GNAT3: variants seen among roughly 807,000 people sequenced by gnomAD.
GNAT3 encodes the protein G protein subunit alpha transducin 3, also known as guanine nucleotide-binding protein G(t) subunit alpha-3.
GNAT3 carries 31 observed loss-of-function variants against 37.7 expected under a neutral mutation model. The observed-to-expected ratio is 0.82, with a 90% CI of 0.62 to 1.11. The LOEUF (loss-of-function observed/expected upper bound fraction) is 1.11, where lower values mean the gene tolerates loss of function less well. GNAT3 is among the 50% of genes most tolerant of loss of function. The pLI, the probability that GNAT3 is intolerant of heterozygous loss-of-function variation, is 0.00. For synonymous variants in GNAT3, 138 were observed against 139.8 expected, an observed-to-expected ratio of 0.99 and a Z score of 0.09; for missense variants, 437 against 412.5, an observed-to-expected ratio of 1.06 and a Z score of -0.51.
intron 3 of GNAT3, among the ~76,000 whole-genome samples, chr7:80,484,020 C>T (rs1488017918): frequency 6.6e-6 from 1 of 152,026 alleles, no homozygotes; most frequent in Admixed American, 6.6e-5. Context: ...ATGTGCAGAA[C>T]ATGAAGGTTT....
At chr7:80,501,253 G>T (rs543519722) in intron 1 of GNAT3, among the ~76,000 whole-genome samples, 12 of 151,900 alleles carry the variant, frequency 7.9e-5, no homozygotes, top group African/African-American at 2.9e-4. Context: ...TAGTGTTATG[G>T]AAGCCCGCAT....
intron 1 of GNAT3, among the ~76,000 whole-genome samples, chr7:80,498,133 G>A (rs1028122936): frequency 4.6e-5 from 7 of 152,086 alleles, no homozygotes; most frequent in African/African-American, 1.4e-4. Context: ...CTTTTAGACT[G>A]TGTCAGTTAA....
At chr7:80,501,007 CA>C (rs939581744) in intron 1 of GNAT3, among the ~76,000 whole-genome samples, 4 of 151,718 alleles carry the variant, frequency 2.6e-5, no homozygotes, top group Non-Finnish European at 4.4e-5. Flanking sequence ...TTGTCTTTGT[CA>C]AATTTTGTTG....
chr7:80,479,068 AATTTAC>A, intron 3 of GNAT3, 70 bp from the exon 4 acceptor site: 2 of 1,024,220 alleles, frequency 2.0e-6, no homozygotes, highest in Non-Finnish European at 1.4e-6. Context: ...CTAATAGAGT[AATTTAC>A]TGGGATAATT....
intron 4 of GNAT3, among the ~76,000 whole-genome samples, chr7:80,477,043 T>C (rs1790315909): frequency 6.6e-6 from 1 of 152,118 alleles, no homozygotes; most frequent in African/African-American, 2.4e-5. Flanking sequence ...TTAATTGTTT[T>C]TAACTTGATG....
chr7:80,469,111 A>T (rs897628040), intron 5 of GNAT3, among the ~76,000 whole-genome samples: 7 of 152,244 alleles, frequency 4.6e-5, no homozygotes, highest in Admixed American at 1.3e-4. Flanking sequence ...ATCTGAGATG[A>T]TTCATATGCC....
intron 1 of GNAT3, among the ~76,000 whole-genome samples, chr7:80,501,938 G>A (rs1309216701): frequency 6.6e-6 from 1 of 151,884 alleles, no homozygotes; most frequent in East Asian, 1.9e-4. Flanking sequence ...TTTCATTCAT[G>A]AGAAAGAATA....
intron 4 of GNAT3, 26 bp from the exon 5 acceptor site, chr7:80,474,405 T>A (rs1435311095): frequency 1.8e-6 from 2 of 1,138,452 alleles, no homozygotes; most frequent in Non-Finnish European, 2.5e-6. Context: ...CAAAATTATA[T>A]ATGTGTATAT....
intron 1 of GNAT3, among the ~76,000 whole-genome samples, chr7:80,498,394 G>A (rs1027635975): frequency 2.0e-5 from 3 of 152,056 alleles, no homozygotes; most frequent in Non-Finnish European, 4.4e-5. Flanking sequence ...TCCCTTGAAA[G>A]CCTTTAAAAA....
intron 7 of GNAT3, among the ~76,000 whole-genome samples, chr7:80,459,147 T>A (rs1790006096): frequency 6.6e-6 from 1 of 152,060 alleles, no homozygotes; most frequent in Non-Finnish European, 1.5e-5. Flanking sequence ...CATCAAACAC[T>A]GTGTGTGTGT....
rs1790348661 is a variant in GNAT3 at position 80,479,016 on chromosome 7, T to C, written c.304-18A>G. 6.4e-7 allele frequency: 1 copy of C among 1,559,754 alleles called. No homozygotes were observed. The highest frequency in any genetic ancestry group is 8.7e-7 in the Non-Finnish European group (1 of 1,148,722). ...TGGTCCTCCTAGAACAATATTTTGGTGAGAATAAGTATGTATTATTTGGAA... is the reference window on the plus strand; with the variant it reads ...TGGTCCTCCTAGAACAATATTTTGGCGAGAATAAGTATGTATTATTTGGAA... On this transcript the variant is annotated intron_variant, in intron 3 of 7. Transcript: ENST00000398291.
intron 1 of GNAT3, 135 bp downstream of exon 1, chr7:80,511,674 C>A: frequency 1.8e-6 from 1 of 555,342 alleles, no homozygotes. Flanking sequence ...ATAAATTTTC[C>A]TTAAGTTTCC....
chr7:80,509,665 G>T (rs1276282617), intron 1 of GNAT3, among the ~76,000 whole-genome samples: 1 of 152,036 alleles, frequency 6.6e-6, no homozygotes, highest in Non-Finnish European at 1.5e-5. Flanking sequence ...GCTCTGTGGA[G>T]TGGTAAAATT....
intron 1 of GNAT3, among the ~76,000 whole-genome samples, chr7:80,497,730 G>T (rs955263980): frequency 2.6e-5 from 4 of 151,438 alleles, no homozygotes; most frequent in Admixed American, 6.6e-5. Flanking sequence ...TGGAAGAAAA[G>T]TCAATGGGCT....
chr7:80,485,856 A>G (rs141556524), intron 3 of GNAT3, among the ~76,000 whole-genome samples: 218 of 152,212 alleles, frequency 1.4e-3, no homozygotes, highest in African/African-American at 4.9e-3. Context: ...ATTGTAACTC[A>G]AGGAGGAAAG....
At chr7:80,462,355 C>CA in intron 6 of GNAT3, 43 bp from the exon 7 acceptor site, 1 of 1,585,462 alleles carries the variant, frequency 6.3e-7, no homozygotes, top group South Asian at 1.1e-5. Context: ...TTATTATTTG[C>CA]AAAATGTGAA....
intron 2 of GNAT3, among the ~76,000 whole-genome samples, chr7:80,493,836 CTT>C: frequency 1.6e-5 from 2 of 122,404 alleles, no homozygotes; most frequent in African/African-American, 6.1e-5. Context: ...TCCTCCTCCT[CTT>C]TCCTCCTCCT....
chr7:80,476,312 G>A (rs1790301111), intron 4 of GNAT3, among the ~76,000 whole-genome samples: 1 of 150,856 alleles, frequency 6.6e-6, no homozygotes, highest in Non-Finnish European at 1.5e-5. Context: ...ACCAAATAGA[G>A]GCCCTTAACA....
chr7:80,492,298 T>A (rs1584188489), intron 2 of GNAT3, among the ~76,000 whole-genome samples: 1 of 152,022 alleles, frequency 6.6e-6, no homozygotes. Flanking sequence ...GAGCCAAGAT[T>A]GTGCCACTGC....
Sources: allele counts gnomAD v4.1 joint callset (sites outside exome capture counted in the v4.1 genomes callset), GRCh38; gene constraint gnomAD v4.1.1; transcripts MANE v1.5; gene names NCBI Gene and HGNC (gene_info 2026-07-23, HGNC 2026-07-21).